Variants in DLG2 observed in about 807,000 individuals in gnomAD.
DLG2 encodes disks large homolog 2.
DLG2 carries 45 observed loss-of-function variants against 132.5 expected under a neutral mutation model. That is an observed-to-expected ratio of 0.34 (90% CI 0.27 to 0.44). DLG2 has a LOEUF of 0.44. DLG2 is among the 20% of genes least tolerant of loss of function. The probability of loss-of-function intolerance (pLI) is 1.00; values close to 1 mark genes in which losing one functional copy is unlikely to be tolerated. For synonymous variants in DLG2, 424 were observed against 419.6 expected, an observed-to-expected ratio of 1.01 and a Z score of -0.13; for missense variants, 1,045 against 1,196.9, an observed-to-expected ratio of 0.87 and a Z score of 1.87.
chr11:85,569,924 A>C (rs945981067), intron 3 of DLG2, among the ~76,000 whole-genome samples: 2 of 152,086 alleles, frequency 1.3e-5, no homozygotes, highest in Admixed American at 1.3e-4. Context: ...AGATACATGC[A>C]CTCACATTCA....
chr11:85,106,416 T>A (rs1184933124), intron 6 of DLG2, among the ~76,000 whole-genome samples: 1 of 151,968 alleles, frequency 6.6e-6, no homozygotes, highest in East Asian at 1.9e-4. Flanking sequence ...AAGATTCTGC[T>A]TTCAAAGTCT....
chr11:83,705,918 A>G (rs2083862710), intron 18 of DLG2, among the ~76,000 whole-genome samples: 1 of 152,162 alleles, frequency 6.6e-6, no homozygotes, highest in Non-Finnish European at 1.5e-5. Context: ...CAACTTCACA[A>G]TTAAACATTT....
At chr11:85,406,338 G>A (rs2088730732) in intron 3 of DLG2, among the ~76,000 whole-genome samples, 1 of 151,858 alleles carries the variant, frequency 6.6e-6, no homozygotes, top group Non-Finnish European at 1.5e-5. Context: ...AGAAAAGAGA[G>A]TCAAGCTTCA....
At chr11:85,579,954 G>A (rs2078408023) in intron 3 of DLG2, among the ~76,000 whole-genome samples, 1 of 152,124 alleles carries the variant, frequency 6.6e-6, no homozygotes, top group Non-Finnish European at 1.5e-5. Context: ...ATCTTGAATT[G>A]TAACTCCCAC....
chr11:84,062,795 C>T (rs1673280528), intron 10 of DLG2, among the ~76,000 whole-genome samples: 1 of 150,534 alleles, frequency 6.6e-6, no homozygotes, highest in Non-Finnish European at 1.5e-5. Flanking sequence ...TTCAAATTCT[C>T]AAAATAGAGA....
At chr11:83,645,165 G>A (rs910431819) in intron 18 of DLG2, among the ~76,000 whole-genome samples, 2 of 152,056 alleles carry the variant, frequency 1.3e-5, no homozygotes, top group African/African-American at 4.8e-5. Flanking sequence ...GAGTGGAAGT[G>A]TCCAAGGTTC....
chr11:85,381,158 C>A (rs1031665070), intron 3 of DLG2, among the ~76,000 whole-genome samples: 2 of 152,304 alleles, frequency 1.3e-5, no homozygotes, highest in East Asian at 3.9e-4. Flanking sequence ...CAGCCATGCA[C>A]TTAAAGTATG....
At chr11:85,110,224 A>G (rs1417516576) in intron 6 of DLG2, among the ~76,000 whole-genome samples, 1 of 152,056 alleles carries the variant, frequency 6.6e-6, no homozygotes, top group Non-Finnish European at 1.5e-5. Flanking sequence ...AGCCTGTTCA[A>G]CAGGGCAAAA....
chr11:84,305,692 T>C (rs923047341), intron 7 of DLG2, among the ~76,000 whole-genome samples: 5 of 152,128 alleles, frequency 3.3e-5, no homozygotes, highest in African/African-American at 4.8e-5. Context: ...TTTCTAGCAC[T>C]CTAAAATTCT....
At chr11:85,580,449 A>C (rs530991940) in intron 3 of DLG2, among the ~76,000 whole-genome samples, 2 of 152,354 alleles carry the variant, frequency 1.3e-5, no homozygotes, top group Non-Finnish European at 2.9e-5. Context: ...AGAACAACAG[A>C]AGACAAGGTA....
intron 6 of DLG2, among the ~76,000 whole-genome samples, chr11:84,986,254 G>T (rs1955756861): frequency 3.9e-5 from 6 of 151,964 alleles, no homozygotes; most frequent in Admixed American, 3.9e-4. Flanking sequence ...AAATCGGGAA[G>T]AACTAGATAC....
chr11:84,049,369 C>T (rs2154117670), intron 11 of DLG2, among the ~76,000 whole-genome samples: 1 of 151,792 alleles, frequency 6.6e-6, no homozygotes, highest in South Asian at 2.1e-4. Flanking sequence ...CAGATGCCTC[C>T]AATTTCTTGT....
At chr11:84,741,824 A>G (rs990941062) in intron 6 of DLG2, among the ~76,000 whole-genome samples, 1 of 152,156 alleles carries the variant, frequency 6.6e-6, no homozygotes, top group East Asian at 1.9e-4. Flanking sequence ...CTCATAAGGA[A>G]GTATATAAAA....
chr11:84,985,987 G>A (rs527928213), intron 6 of DLG2, among the ~76,000 whole-genome samples: 3 of 42,820 alleles, frequency 7.0e-5, no homozygotes, highest in South Asian at 1.7e-3. Flanking sequence ...GCAAGACTCC[G>A]TCTCAAAAAA....
chr11:85,000,404 G>A (rs2058100905), intron 6 of DLG2, among the ~76,000 whole-genome samples: 1 of 152,174 alleles, frequency 6.6e-6, no homozygotes, highest in African/African-American at 2.4e-5. Context: ...CTGAGTTGGA[G>A]TTTTAAGGCC....
chr11:85,609,334 G>C (rs2080823597), intron 2 of DLG2, among the ~76,000 whole-genome samples: 1 of 152,256 alleles, frequency 6.6e-6, no homozygotes, highest in South Asian at 2.1e-4. Context: ...ACAAAATCTG[G>C]AGGCATTATT....
Position 84,385,680 on chromosome 11 carries a change from T to C in DLG2, c.520-134389A>G, listed in dbSNP as rs2098766994. On this transcript the variant is annotated intron_variant, in intron 7 of 27. Transcript: ENST00000376104. ...AATAGTGCCTAGCTCATAATAGACA[T>C]TTGAGTGATACTGATCAAATAATCA... 2.0e-5 allele frequency among the ~76,000 whole-genome samples: 3 copies of C among 152,064 alleles called. No individual in the cohort carries two copies. In the South Asian group the frequency reaches 6.2e-4, roughly 32 times the overall value.
chr11:83,564,424 T>A (rs1284469122), intron 19 of DLG2, among the ~76,000 whole-genome samples: 1 of 152,162 alleles, frequency 6.6e-6, no homozygotes. Flanking sequence ...CATCCCCTCA[T>A]TGCTTCACAA....
At chr11:83,904,705 C>G (rs941145588) in intron 15 of DLG2, among the ~76,000 whole-genome samples, 3 of 151,542 alleles carry the variant, frequency 2.0e-5, no homozygotes, top group African/African-American at 7.3e-5. Context: ...TGCATTTCTC[C>G]ATAGTAAAGA....
Sources: gnomAD v4.1 joint callset for allele counts (sites outside exome capture counted in the v4.1 genomes callset) on GRCh38, gnomAD v4.1.1 for gene constraint, MANE v1.5 for transcripts, NCBI Gene and HGNC (gene_info 2026-07-23, HGNC 2026-07-21) for gene names.